SORCS1: variants seen among roughly 807,000 people sequenced by gnomAD.
SORCS1 encodes VPS10 domain-containing receptor SorCS1.
SORCS1 carries 60 observed loss-of-function variants against 146.1 expected under a neutral mutation model. That is an observed-to-expected ratio of 0.41 (90% CI 0.33 to 0.51). The LOEUF (loss-of-function observed/expected upper bound fraction) is 0.51, where lower values mean the gene tolerates loss of function less well. Ranked by LOEUF, SORCS1 falls within the 20% of genes least tolerant of loss-of-function variation. The pLI is 0.21. For missense variants in SORCS1, 1,352 were observed against 1,487.6 expected (o/e 0.91, Z 1.50); for synonymous variants, 637 against 584.0 (o/e 1.09, Z -1.31).
At chr10:107,018,658 T>C (rs369030065) in intron 1 of SORCS1, among the ~76,000 whole-genome samples, 48 of 151,176 alleles carry the variant, frequency 3.2e-4, no homozygotes, top group East Asian at 1.7e-3. Context: ...AACCTAGCAA[T>C]AGGTAAAGAA....
At chr10:106,933,559 G>T (rs1022016937) in intron 2 of SORCS1, among the ~76,000 whole-genome samples, 2 of 152,150 alleles carry the variant, frequency 1.3e-5, no homozygotes, top group African/African-American at 2.4e-5. Context: ...AGGCCAAGAA[G>T]TTGCAAACTA....
chr10:106,649,788 T>C (rs1849724681), intron 18 of SORCS1, among the ~76,000 whole-genome samples: 1 of 152,186 alleles, frequency 6.6e-6, no homozygotes, highest in African/African-American at 2.4e-5. Flanking sequence ...CTTACTGTTT[T>C]TTCTCTATAT....
chr10:106,876,020 T>C (rs1056112114), intron 2 of SORCS1, among the ~76,000 whole-genome samples: 1 of 152,116 alleles, frequency 6.6e-6, no homozygotes, highest in African/African-American at 2.4e-5. Flanking sequence ...TATTTTGATT[T>C]ATAAATCAAA....
intron 1 of SORCS1, among the ~76,000 whole-genome samples, chr10:107,135,737 C>T (rs750628567): frequency 5.3e-5 from 8 of 152,258 alleles, no homozygotes; most frequent in East Asian, 3.9e-4. Flanking sequence ...TATAATGAAA[C>T]GACATATATT....
chr10:107,164,892 C>T (rs911078391), upstream of SORCS1, among the ~76,000 whole-genome samples: 4 of 147,800 alleles, frequency 2.7e-5, no homozygotes, highest in African/African-American at 9.8e-5. This position sits in a 1 kb window ranked among gnomAD's most constrained non-coding sequence, Gnocchi z 6.8. Context: ...GCGCTGGAGG[C>T]GCCGCCGGCG....
chr10:106,956,612 T>A, intron 1 of SORCS1, 32 bp from the exon 2 acceptor site: 1 of 1,593,440 alleles, frequency 6.3e-7, no homozygotes, highest in Non-Finnish European at 8.6e-7. Context: ...ATGGTTAGTC[T>A]CAAACAATTA....
chr10:106,885,671 G>A (rs760543083), intron 2 of SORCS1, among the ~76,000 whole-genome samples: 6 of 152,108 alleles, frequency 3.9e-5, no homozygotes, highest in Non-Finnish European at 7.4e-5. Context: ...GGTAATGGTA[G>A]CCATGTGATA....
Position 106,940,348 on chromosome 10 carries a change from C to T in SORCS1, c.626+16165G>A, listed in dbSNP as rs117790665. On this transcript the variant is annotated intron_variant, in intron 2 of 25. Coordinates refer to ENST00000263054, the MANE Select transcript of SORCS1 (RefSeq NM_052918.5). ...CCTTTCCTCATTACATTTAACTTGG[C>T]GCTTCTTGTTACTGAACATACTACT... is the stretch of plus-strand genomic sequence containing the variant. 7.0e-4 allele frequency among the ~76,000 whole-genome samples: 106 copies of T among 152,234 alleles called. 1 individual carries two copies. In the East Asian group the frequency reaches 0.015, roughly 21 times the overall value.
chr10:106,612,407 C>T (rs1353955346), intron 21 of SORCS1, among the ~76,000 whole-genome samples: 1 of 146,074 alleles, frequency 6.8e-6, no homozygotes, highest in Non-Finnish European at 1.5e-5. Context: ...GCCCCCACCC[C>T]CGCAGCGTGA....
intron 3 of SORCS1, among the ~76,000 whole-genome samples, chr10:106,817,918 CCTGA>C (rs1947820322): frequency 6.6e-6 from 1 of 152,154 alleles, no homozygotes; most frequent in South Asian, 2.1e-4. Context: ...ATGCTGCTTC[CCTGA>C]CTATGTGAGA....
intron 9 of SORCS1, among the ~76,000 whole-genome samples, chr10:106,690,037 T>C (rs1380581592): frequency 6.6e-6 from 1 of 152,212 alleles, no homozygotes; most frequent in East Asian, 1.9e-4. Flanking sequence ...GTGCAATCAG[T>C]AGCAGCCAGA....
At chr10:106,578,777 A>C in intron 25 of SORCS1, 1 of 1,167,128 alleles carries the variant, frequency 8.6e-7, no homozygotes, top group Non-Finnish European at 1.1e-6. Context: ...TCCTTCTTAT[A>C]TACTATTAAA....
chr10:107,115,099 A>G (rs992459802), intron 1 of SORCS1, among the ~76,000 whole-genome samples: 2 of 152,080 alleles, frequency 1.3e-5, no homozygotes, highest in African/African-American at 4.8e-5. Context: ...AAGGATATCA[A>G]AGAAGACATA....
chr10:106,782,533 C>T (rs1311925882), intron 3 of SORCS1, among the ~76,000 whole-genome samples: 1 of 152,156 alleles, frequency 6.6e-6, no homozygotes, highest in East Asian at 1.9e-4. Flanking sequence ...AATGAGGAGT[C>T]ATTCAGTACC....
At chr10:106,806,388 A>T (rs865914258) in intron 3 of SORCS1, among the ~76,000 whole-genome samples, 2 of 91,864 alleles carry the variant, frequency 2.2e-5, no homozygotes, top group Non-Finnish European at 3.9e-5. Context: ...TAAAATAAAA[A>T]TAAAATAAAA....
In SORCS1 at chr10:106,797,586, C is replaced by G. The variant is rs114695516; in HGVS notation, c.727-20894G>C. 8.6e-3 allele frequency among the ~76,000 whole-genome samples: 1,298 copies of G among 151,806 alleles called. 21 individuals are homozygous for G. The highest frequency in any genetic ancestry group is 0.03 in the African/African-American group (1,257 of 41,426). On this transcript the variant is annotated intron_variant, in intron 3 of 25. Coordinates refer to ENST00000263054, the MANE Select transcript of SORCS1 (RefSeq NM_052918.5). ...GTAGAAACAACCAACCAGGTGCATT[C>G]ATGAATTTTTAAACCAGGTCTGCTG...
chr10:106,952,949 C>A lies in SORCS1; in HGVS notation c.626+3564G>T, dbSNP rs1294672910. Reference sequence around the variant, plus strand: ...AGTAAGCTGTGATCATGCCACTGCACTCCAGCCTGGGTGACAGGGTGAGAT... The same window carrying A: ...AGTAAGCTGTGATCATGCCACTGCAATCCAGCCTGGGTGACAGGGTGAGAT... On this transcript the variant is annotated intron_variant, in intron 2 of 25. Transcript: ENST00000263054. Among the ~76,000 whole-genome samples, 5 of 152,036 alleles carry A rather than the reference C, an allele frequency of 3.3e-5. No homozygotes were observed. The East Asian group carries it at 9.6e-4, about 29-fold the overall frequency.
chr10:106,928,158 C>T (rs962196520), intron 2 of SORCS1, among the ~76,000 whole-genome samples: 4 of 152,232 alleles, frequency 2.6e-5, no homozygotes, highest in Non-Finnish European at 2.9e-5. Flanking sequence ...GAGCAGGCGG[C>T]GGCGCTCGTT....
intron 14 of SORCS1, among the ~76,000 whole-genome samples, chr10:106,674,341 A>G (rs1851859747): frequency 7.1e-6 from 1 of 140,684 alleles, no homozygotes; most frequent in South Asian, 2.3e-4. Flanking sequence ...AAAAAAAAAA[A>G]AAAAAAAAAA....
Sources: gnomAD v4.1 joint callset for allele counts (sites outside exome capture counted in the v4.1 genomes callset) on GRCh38, gnomAD v4.1.1 for gene constraint, Gnocchi (gnomAD v3.1) non-coding constraint, MANE v1.5 for transcripts, NCBI Gene and HGNC (gene_info 2026-07-23, HGNC 2026-07-21) for gene names.